KNTC1: variants seen among roughly 807,000 people sequenced by gnomAD.
KNTC1 encodes kinetochore-associated protein 1.
In KNTC1, 253 loss-of-function variants were observed where a neutral mutation model predicts 314.4. The observed-to-expected ratio is 0.80, with a 90% confidence interval of 0.73 to 0.89. KNTC1 has a LOEUF of 0.89. Ranked by LOEUF, KNTC1 falls within the 40% of genes least tolerant of loss-of-function variation. The pLI, the probability that KNTC1 is intolerant of heterozygous loss-of-function variation, is 0.00. For missense variants in KNTC1, 2,475 were observed against 2,572.9 expected (o/e 0.96, Z 0.82); for synonymous variants, 901 against 901.4 (o/e 1.00, Z 0.01).
chr12:122,554,064 TAAAAAA>T (rs71085821), intron 16 of KNTC1, among the ~76,000 whole-genome samples: 32 of 122,554 alleles, frequency 2.6e-4, no homozygotes, highest in African/African-American at 8.5e-4. Flanking sequence ...AATACTTCCT[TAAAAAA>T]AAAAAAATAT....
intron 48 of KNTC1, 112 bp downstream of exon 48, chr12:122,603,355 A>G: frequency 1.2e-6 from 1 of 809,544 alleles, no homozygotes; most frequent in Non-Finnish European, 1.9e-6. Context: ...TGCTCTCTTA[A>G]CTGTGGTGAA....
At chr12:122,601,428 G>C in intron 44 of KNTC1, 108 bp from the exon 45 acceptor site, 2 of 981,658 alleles carry the variant, frequency 2.0e-6, no homozygotes, top group South Asian at 3.4e-5. Context: ...TAACAATGTA[G>C]TGCAGTGACA....
chr12:122,565,219 G>T (rs1964240026), intron 20 of KNTC1, among the ~76,000 whole-genome samples: 1 of 146,432 alleles, frequency 6.8e-6, no homozygotes, highest in Non-Finnish European at 1.5e-5. Context: ...TTACATCCTT[G>T]GTCCCTCTTT....
rs370715110 is a variant in KNTC1, at chr12:122,603,116, A to G, written c.4974A>G (p.Lys1658=). The G allele has an allele frequency of 4.3e-6, 7 of 1,613,750 alleles. No homozygotes were observed. Among genetic ancestry groups the G allele is most frequent in the African/African-American group, 4.0e-5 (3 of 74,926 alleles). ...KPKLLKLTQA[K]SSTLINKEIT... ...AGCTCCTGAAGTTAACACAAGCTAA[A>G]TCCTCAACACTGATTAACAAGGAAA... The change falls in exon 48 of 64, where the codon AAA becomes AAG. Residue 1658 remains lysine (K), a synonymous_variant. Transcript: ENST00000333479.
At chr12:122,583,045 C>A in intron 34 of KNTC1, 60 bp downstream of exon 34, 1 of 1,470,830 alleles carries the variant, frequency 6.8e-7, no homozygotes, top group Non-Finnish European at 9.2e-7. Flanking sequence ...GGCACGGTAA[C>A]TCATACCTGT....
Position 122,576,942 on chromosome 12 carries a change from A to G in KNTC1, c.2634A>G (p.Glu878=), listed in dbSNP as rs1471765943. 1 of 1,601,092 alleles carries G rather than the reference A, an allele frequency of 6.2e-7. No homozygotes were observed. Among genetic ancestry groups the G allele is most frequent in the Non-Finnish European group, 8.5e-7 (1 of 1,173,524 alleles). ...AACAAGATGTCCCATCTTCTTTAGA[A>G]GATGCTTTAAAGGTAGCCCAAGCGT... ...ILKQDVPSSL[E]DALKVAQAFM... Residue 878 remains glutamate, a synonymous_variant, in exon 30 of 64, where the codon GAA becomes GAG. Transcript: ENST00000333479.
chr12:122,547,255 A>C (rs920837855), intron 10 of KNTC1, among the ~76,000 whole-genome samples, 160 bp from the exon 11 acceptor site: 6 of 151,524 alleles, frequency 4.0e-5, no homozygotes, highest in Non-Finnish European at 7.4e-5. Flanking sequence ...GGCGCCTGTA[A>C]TCCCAGCTAC....
chr12:122,568,172 A>G, intron 20 of KNTC1, 89 bp from the exon 21 acceptor site: 2 of 688,156 alleles, frequency 2.9e-6, no homozygotes, highest in Non-Finnish European at 5.1e-6. Flanking sequence ...GAAGAAAACT[A>G]ATTAAAATGC....
intron 8 of KNTC1, among the ~76,000 whole-genome samples, chr12:122,545,898 C>CTG (rs929639449): frequency 3.3e-5 from 5 of 150,964 alleles, no homozygotes; most frequent in African/African-American, 1.2e-4. Flanking sequence ...CTGCAGTGAG[C>CTG]TGTGATCACT....
At position 122,605,102 on chromosome 12, in the gene KNTC1, AT is replaced by A. The variant is rs1315436426; in HGVS notation, c.5386+22del. ...AGATTATCCTGGTGAGGACAAAACA[AT>A]TTTTTTGTTGTCCAAGAAAAGCTAT... is the stretch of plus-strand genomic sequence containing the variant. On this transcript the variant is annotated intron_variant, in intron 50 of 63. Transcript: ENST00000333479. The A allele has an allele frequency of 1.2e-5, 19 of 1,589,324 alleles. No individual in the cohort carries two copies. Among genetic ancestry groups the A allele is most frequent in the Admixed American group, 1.8e-5 (1 of 56,334 alleles).
intron 45 of KNTC1, among the ~76,000 whole-genome samples, chr12:122,602,194 A>G (rs917929131): frequency 6.6e-6 from 1 of 152,066 alleles, no homozygotes; most frequent in African/African-American, 2.4e-5. Context: ...GTCCTAATAT[A>G]AAATATAAAC....
At chr12:122,551,103 T>C (rs1215711940) in intron 13 of KNTC1, among the ~76,000 whole-genome samples, 1 of 152,120 alleles carries the variant, frequency 6.6e-6, no homozygotes, top group Non-Finnish European at 1.5e-5. Flanking sequence ...TGTGATATTA[T>C]TTTGAGTCTA....
At chr12:122,626,091 GTTTGATATGT>G in intron 63 of KNTC1, 104 bp from the exon 64 acceptor site, 2 of 738,934 alleles carry the variant, frequency 2.7e-6, no homozygotes, top group Non-Finnish European at 4.7e-6. Flanking sequence ...ATGCCAAATA[GTTTGATATGT>G]AGATTTGTAT....
intron 18 of KNTC1, among the ~76,000 whole-genome samples, chr12:122,558,766 C>G (rs1405210849): frequency 6.6e-6 from 1 of 151,898 alleles, no homozygotes; most frequent in Non-Finnish European, 1.5e-5. Context: ...GTTCCAGCTA[C>G]TTGGCAGGCT....
At chr12:122,539,397 A>G (rs1296843729) in intron 4 of KNTC1, among the ~76,000 whole-genome samples, 3 of 152,198 alleles carry the variant, frequency 2.0e-5, no homozygotes, top group Admixed American at 1.3e-4. Context: ...TGGATCCCGA[A>G]TTCTTGGCTC....
rs374785525 is a variant in KNTC1 at position 122,594,352 on chromosome 12, A to G, written c.4322A>G (p.Asp1441Gly). The change falls in exon 43 of 64, where the codon GAT becomes GGT. Residue 1441 changes from aspartate to glycine, a missense_variant. By Grantham distance (94) the Asp-to-Gly change is moderately conservative (BLOSUM62 -1). Coordinates refer to ENST00000333479, the MANE Select transcript of KNTC1 (RefSeq NM_014708.6). ...ATTAAAGCTCTTGTGGAGAATATAGATATGGACACAAGCCTCATTTTGGAA... is the reference window on the plus strand; with the variant it reads ...ATTAAAGCTCTTGTGGAGAATATAGGTATGGACACAAGCCTCATTTTGGAA... ...DLIKALVENI[D>G]MDTSLILEYC... is the part of the protein sequence containing the mutation. 1.1e-5 allele frequency: 17 copies of G among 1,604,676 alleles called. No homozygotes were observed. The African/African-American group carries it at 2.0e-4, about 19-fold the overall frequency.
chr12:122,591,280 T>C (rs1870154065), intron 41 of KNTC1, 57 bp from the exon 42 acceptor site: 1 of 854,382 alleles, frequency 1.2e-6, no homozygotes, highest in Non-Finnish European at 2.0e-6. Flanking sequence ...GTCTAAAAGG[T>C]GTTATAAGAA....
At chr12:122,551,147 T>TG (rs374081398) in intron 13 of KNTC1, among the ~76,000 whole-genome samples, 172 bp from the exon 14 acceptor site, 20 of 120,794 alleles carry the variant, frequency 1.7e-4, no homozygotes, top group Middle Eastern at 3.9e-3. Context: ...TTTTTCCCAG[T>TG]GTTTTTTTTT....
Position 122,615,036 on chromosome 12 carries a change from G to T in KNTC1, c.5923G>T (p.Asp1975Tyr). The T allele has an allele frequency of 6.2e-7, 1 of 1,613,608 alleles. No homozygotes were observed. Among genetic ancestry groups the T allele is most frequent in the South Asian group, 1.1e-5 (1 of 90,978 alleles). ...TELCLEYKIY[D>Y]LQLWNGLLQK... ...GCTGTGTTTAGAATACAAAATCTATGACCTGCAGCTTTGGAATGGACTCTT... is the reference window on the plus strand; with the variant it reads ...GCTGTGTTTAGAATACAAAATCTATTACCTGCAGCTTTGGAATGGACTCTT... Residue 1975 changes from aspartate (D) to tyrosine (Y), a missense_variant, in exon 56 of 64, where the codon GAC becomes TAC. Physicochemically the swap from Asp to Tyr is radical, Grantham distance 160. Coordinates refer to ENST00000333479, the MANE Select transcript of KNTC1 (RefSeq NM_014708.6).
Sources: allele counts gnomAD v4.1 joint callset (sites outside exome capture counted in the v4.1 genomes callset), GRCh38; gene constraint gnomAD v4.1.1; transcripts MANE v1.5; gene names NCBI Gene and HGNC (gene_info 2026-07-23, HGNC 2026-07-21).